Variants in SORCS1 observed in about 807,000 individuals in gnomAD.
The protein encoded by SORCS1 is sortilin related VPS10 domain containing receptor 1, also known as VPS10 domain-containing receptor SorCS1.
SORCS1 carries 60 observed loss-of-function variants against 146.1 expected under a neutral mutation model. The ratio of observed to expected loss-of-function variants is 0.41; its 90% confidence interval spans 0.33 to 0.51. The LOEUF (loss-of-function observed/expected upper bound fraction) is 0.51. Among genes scored for constraint, SORCS1 ranks in the 20% least tolerant of loss-of-function variants. SORCS1 has a pLI of 0.21. For missense variants in SORCS1, 1,352 were observed against 1,487.6 expected, an observed-to-expected ratio of 0.91 and a Z score of 1.50; for synonymous variants, 637 against 584.0, an observed-to-expected ratio of 1.09 and a Z score of -1.31.
At chr10:107,068,494 T>G (rs1326172129) in intron 1 of SORCS1, among the ~76,000 whole-genome samples, 1 of 152,184 alleles carries the variant, frequency 6.6e-6, no homozygotes, top group Non-Finnish European at 1.5e-5. Flanking sequence ...GACCAACCAG[T>G]AAGTATTTGA....
intron 5 of SORCS1, among the ~76,000 whole-genome samples, chr10:106,732,407 G>A (rs1016073904): frequency 3.9e-5 from 6 of 152,132 alleles, no homozygotes; most frequent in Non-Finnish European, 7.3e-5. Flanking sequence ...AACTGGATCC[G>A]CAGGTGACCT....
intron 1 of SORCS1, among the ~76,000 whole-genome samples, chr10:107,149,636 G>A (rs1198479928): frequency 2.0e-5 from 3 of 152,242 alleles, no homozygotes; most frequent in South Asian, 4.1e-4. Context: ...ATTCTTGATT[G>A]TGTGTGTTGG....
intron 22 of SORCS1, among the ~76,000 whole-genome samples, chr10:106,608,715 C>G (rs999857815): frequency 8.5e-5 from 13 of 152,188 alleles, no homozygotes; most frequent in Admixed American, 3.3e-4. Flanking sequence ...GAAGCTGACT[C>G]TGAGTTTAGC....
intron 1 of SORCS1, among the ~76,000 whole-genome samples, chr10:106,994,919 A>G (rs1283307173): frequency 6.6e-6 from 1 of 152,202 alleles, no homozygotes; most frequent in African/African-American, 2.4e-5. Context: ...CCGTTTCCTC[A>G]TAAAAGTTAA....
chr10:106,635,669 T>C (rs1848686534), intron 18 of SORCS1, among the ~76,000 whole-genome samples: 1 of 152,176 alleles, frequency 6.6e-6, no homozygotes, highest in Non-Finnish European at 1.5e-5. Flanking sequence ...ACTATACCTC[T>C]ACTATTACTA....
rs368461231 is a variant in SORCS1, at chr10:106,782,699, T to C, written c.727-6007A>G. ...GACTACTGAACATAGTCTTCTCCTT[T>C]GAGACAATTTAGAGAAACCCAAACG... On this transcript the variant is annotated intron_variant, in intron 3 of 25. Coordinates refer to ENST00000263054, the MANE Select transcript of SORCS1 (RefSeq NM_052918.5). Among the ~76,000 whole-genome samples, 135 of 152,368 alleles carry C rather than the reference T, an allele frequency of 8.9e-4. 3 individuals are homozygous for C. The South Asian group carries it at 0.027, about 31-fold the overall frequency.
At chr10:106,587,824 A>G (rs971133426) in intron 24 of SORCS1, among the ~76,000 whole-genome samples, 3 of 152,158 alleles carry the variant, frequency 2.0e-5, no homozygotes, top group Admixed American at 1.3e-4. Flanking sequence ...AGGTAGAAGC[A>G]AAGTTCCTGT....
chr10:107,139,330 T>C (rs577392988), intron 1 of SORCS1, among the ~76,000 whole-genome samples: 1 of 152,188 alleles, frequency 6.6e-6, no homozygotes, highest in Non-Finnish European at 1.5e-5. Context: ...ATTGGCTTAT[T>C]TGGAAACTCT....
chr10:106,917,654 G>A (rs1372625288), intron 2 of SORCS1, among the ~76,000 whole-genome samples: 1 of 152,190 alleles, frequency 6.6e-6, no homozygotes, highest in Non-Finnish European at 1.5e-5. Flanking sequence ...AATGTTTCCA[G>A]ACACTGCCAG....
intron 1 of SORCS1, among the ~76,000 whole-genome samples, chr10:107,116,674 G>C (rs543598960): frequency 3.3e-4 from 51 of 152,268 alleles, no homozygotes; most frequent in African/African-American, 1.2e-3. Context: ...AAATGTTGAT[G>C]TAAGGGTACA....
At chr10:107,173,360 G>A in the SORCS1 span, among the ~76,000 whole-genome samples, 1 of 152,274 alleles carries the variant, frequency 6.6e-6, no homozygotes, top group Admixed American at 6.5e-5. Flanking sequence ...AATGTGCTAA[G>A]AGAGTAGATT....
At chr10:106,688,437 A>G (rs760258709) in intron 9 of SORCS1, 99 bp from the exon 10 acceptor site, 81 of 1,422,084 alleles carry the variant, frequency 5.7e-5, no homozygotes, top group Non-Finnish European at 7.7e-5. Context: ...AGCTGAGAGC[A>G]CTTGCCTTGG....
intron 3 of SORCS1, among the ~76,000 whole-genome samples, chr10:106,797,407 G>A (rs1397730605): frequency 6.6e-6 from 1 of 151,674 alleles, no homozygotes; most frequent in Non-Finnish European, 1.5e-5. Flanking sequence ...GTTAACTCTT[G>A]GAAATCCTGA....
chr10:106,811,986 CAG>C (rs1425434622), intron 3 of SORCS1, among the ~76,000 whole-genome samples: 1 of 151,686 alleles, frequency 6.6e-6, no homozygotes, highest in Non-Finnish European at 1.5e-5. Flanking sequence ...TTGATGGTTT[CAG>C]AGTTTGTTTG....
intron 5 of SORCS1, among the ~76,000 whole-genome samples, chr10:106,736,259 G>A (rs1353425798): frequency 6.6e-6 from 1 of 152,210 alleles, no homozygotes; most frequent in Non-Finnish European, 1.5e-5. Flanking sequence ...ATGTCCTGAT[G>A]TAGATAACCG....
chr10:106,992,826 C>CTTTTTTTTT (rs36052970), intron 1 of SORCS1, among the ~76,000 whole-genome samples: 5 of 57,102 alleles, frequency 8.8e-5, no homozygotes, highest in Admixed American at 6.5e-4. Context: ...TTCTTTCTTT[C>CTTTTTTTTT]TTTTTTTTTT....
At chr10:106,648,910 A>G (rs1849652555) in intron 18 of SORCS1, among the ~76,000 whole-genome samples, 1 of 152,032 alleles carries the variant, frequency 6.6e-6, no homozygotes, top group Non-Finnish European at 1.5e-5. Flanking sequence ...ACACACAGGC[A>G]GATGGACATG....
At chr10:106,842,549 T>G (rs542699553) in intron 2 of SORCS1, among the ~76,000 whole-genome samples, 2 of 152,034 alleles carry the variant, frequency 1.3e-5, no homozygotes, top group East Asian at 3.9e-4. Flanking sequence ...TTTCATGAGA[T>G]GTCTGTTCAG....
At chr10:106,799,853 C>T (rs900516738) in intron 3 of SORCS1, among the ~76,000 whole-genome samples, 3 of 152,256 alleles carry the variant, frequency 2.0e-5, no homozygotes, top group African/African-American at 7.2e-5. Context: ...ACTAGAAATA[C>T]CATTTGAGTA....
Sources: allele counts gnomAD v4.1 joint callset (sites outside exome capture counted in the v4.1 genomes callset), GRCh38; gene constraint gnomAD v4.1.1; transcripts MANE v1.5; gene names NCBI Gene and HGNC (gene_info 2026-07-23, HGNC 2026-07-21).